CC2D2B: variants seen among roughly 807,000 people sequenced by gnomAD.
CC2D2B encodes the protein coiled-coil and C2 domain containing 2B, also known as protein CC2D2B.
Under a neutral mutation model 161.2 loss-of-function variants are expected in CC2D2B, and 128 were observed. The observed-to-expected ratio is 0.79, with a 90% CI of 0.69 to 0.92. The LOEUF is 0.92. CC2D2B is among the 40% of genes least tolerant of loss of function. The pLI is 0.00. For missense variants in CC2D2B, 1,173 were observed against 1,375.1 expected (o/e 0.85, Z 2.32); for synonymous variants, 391 against 449.8 (o/e 0.87, Z 1.65).
rs568065326 is a variant in CC2D2B, at chr10:96,033,222, C to T, written c.*1214C>T. The stretch of plus-strand genomic sequence containing the variant: ...CCCCAAATGTATCTGCAGGGAATAC[C>T]CAATCTGTATCTGTTTCCTAAATGT... On this transcript the variant is annotated 3_prime_UTR_variant, in exon 35 of 35. Coordinates refer to ENST00000646931, the MANE Select transcript of CC2D2B (RefSeq NM_001349008.3). Among the ~76,000 whole-genome samples the T allele has an allele frequency of 1.3e-5, 2 of 152,196 alleles. No homozygotes were observed. Among genetic ancestry groups the T allele is most frequent in the East Asian group, 1.9e-4 (1 of 5,172 alleles).
intron 19 of CC2D2B, among the ~76,000 whole-genome samples, chr10:95,984,268 T>C (rs537678443): frequency 8.5e-5 from 13 of 152,344 alleles, no homozygotes; most frequent in African/African-American, 3.1e-4. Flanking sequence ...CAGCCAGGTC[T>C]AGCACACTAT....
chr10:95,932,921 T>C (rs1406685246), intron 6 of CC2D2B, among the ~76,000 whole-genome samples: 1 of 152,216 alleles, frequency 6.6e-6, no homozygotes, highest in East Asian at 1.9e-4. Flanking sequence ...ATTTGAATGT[T>C]GACCTGTCTT....
In CC2D2B at chr10:95,963,187, G is replaced by A. The variant is rs531162794; in HGVS notation, c.1250+1218G>A. On this transcript the variant is annotated intron_variant, in intron 12 of 34. Coordinates refer to ENST00000646931, the MANE Select transcript of CC2D2B (RefSeq NM_001349008.3). ...GTAGCCCCAGTGACCCTAAATTGGGGCATTTAGTTTAAGCAGTTAAAAATA... is the reference window on the plus strand; with the variant it reads ...GTAGCCCCAGTGACCCTAAATTGGGACATTTAGTTTAAGCAGTTAAAAATA... Among the ~76,000 whole-genome samples the A allele has an allele frequency of 6.6e-5, 10 of 152,270 alleles. No homozygotes were observed. In the South Asian group the frequency reaches 2.1e-3, roughly 32 times the overall value.
intron 29 of CC2D2B, 113 bp downstream of exon 29, chr10:96,013,990 A>G (rs1162400171): frequency 2.4e-6 from 1 of 414,300 alleles, no homozygotes; most frequent in Non-Finnish European, 4.0e-6. Context: ...ATTTAAAAGT[A>G]TTTGATAATT....
At position 95,974,153 on chromosome 10, in the gene CC2D2B, G is replaced by A. The variant is rs539048537; in HGVS notation, c.1940G>A (p.Cys647Tyr). The change falls in exon 17 of 35, where the codon TGC becomes TAC. Residue 647 changes from cysteine (C) to tyrosine (Y), a missense_variant. Physicochemically the swap from Cys to Tyr is radical, Grantham distance 194. Around this residue, in one of 3 missense-constraint regions of CC2D2B, gnomAD observed 277 missense variants for 420.6 expected, o/e 0.66. Transcript: ENST00000646931. ...CCACAATCATTAAGATCTTCTTACT[G>A]CAGGTAATAAACTTTTATCTTTGAA... ...PMPQSLRSSYCSMLRNVDARS... is the reference protein window; with the variant it reads ...PMPQSLRSSYYSMLRNVDARS... 8.1e-7 allele frequency: 1 copy of A among 1,228,478 alleles called. No homozygotes were observed. Among genetic ancestry groups the A allele is most frequent in the East Asian group, 3.2e-5 (1 of 31,666 alleles). 76.1% of individuals were successfully genotyped at this position (1,228,478 alleles called of 1,614,324 possible). A position where few individuals can be genotyped will look rare whatever the true frequency, so the allele number is the denominator to read the frequency against.
chr10:95,915,579 T>C (rs542874708), intron 2 of CC2D2B, among the ~76,000 whole-genome samples: 2 of 152,328 alleles, frequency 1.3e-5, no homozygotes, highest in South Asian at 4.1e-4. Context: ...GTATGTTTCT[T>C]ATATACCCAG....
At chr10:95,947,113 A>ATATTTTTTTTT (rs1289243570) in intron 9 of CC2D2B, among the ~76,000 whole-genome samples, 1 of 48,376 alleles carries the variant, frequency 2.1e-5, no homozygotes, top group African/African-American at 9.4e-5. Context: ...ATATATATAT[A>ATATTTTTTTTT]TTTTTTTTTT....
intron 34 of CC2D2B, among the ~76,000 whole-genome samples, chr10:96,029,947 GC>G (rs2079996309): frequency 1.3e-5 from 2 of 151,684 alleles, no homozygotes; most frequent in African/African-American, 4.8e-5. Flanking sequence ...AGTAGCTGGG[GC>G]TACAGGTACT....
At position 95,950,124 on chromosome 10, in the gene CC2D2B, ATAAAGCTAAACATT is replaced by A. The variant is rs2076349315; in HGVS notation, c.1011+23_1011+36del. The A allele has an allele frequency of 2.5e-6, 1 of 398,736 alleles. No individual in the cohort carries two copies. Among genetic ancestry groups the A allele is most frequent in the Non-Finnish European group, 4.4e-6 (1 of 225,878 alleles). 24.7% of individuals were successfully genotyped at this position (398,736 alleles called of 1,614,324 possible). On this transcript the variant is annotated intron_variant, in intron 10 of 34. Coordinates refer to ENST00000646931, the MANE Select transcript of CC2D2B (RefSeq NM_001349008.3). ...TGAGAAGGTGAGAATGGCTTTCATT[ATAAAGCTAAACATT>A]TAATATTGAAAAAGAAAAAATTCCT...
At chr10:96,027,102 GA>G in intron 33 of CC2D2B, 109 bp from the exon 34 acceptor site, 1 of 761,506 alleles carries the variant, frequency 1.3e-6, no homozygotes, top group South Asian at 2.4e-5. Flanking sequence ...CAGCCTGGGG[GA>G]CAAGAGCGAG....
At chr10:95,922,126 A>T in intron 3 of CC2D2B, 50 bp downstream of exon 3, 1 of 1,021,316 alleles carries the variant, frequency 9.8e-7, no homozygotes, top group Non-Finnish European at 1.4e-6. Context: ...TTTATTTTTA[A>T]AGATGTAAAT....
In CC2D2B at chr10:95,949,670, T is replaced by TAA. The variant is rs59101408; in HGVS notation, c.802-216_802-215dup. Among the ~76,000 whole-genome samples the TAA allele has an allele frequency of 5.6e-3, 812 of 144,248 alleles. 7 individuals are homozygous for TAA. Among genetic ancestry groups the TAA allele is most frequent in the African/African-American group, 0.02 (770 of 38,940 alleles). 94.6% of individuals were successfully genotyped at this position (144,248 alleles called of 152,430 possible). ...CTTAGAGTATAATAAAAAAAAAAAT[T>TAA]AAAAAAAAAAATAGTAAGATGATTA... On this transcript the variant is annotated intron_variant, in intron 9 of 34. Coordinates refer to ENST00000646931, the MANE Select transcript of CC2D2B (RefSeq NM_001349008.3).
intron 11 of CC2D2B, among the ~76,000 whole-genome samples, chr10:95,961,162 G>A (rs2076746312): frequency 6.6e-6 from 1 of 152,108 alleles, no homozygotes; most frequent in Non-Finnish European, 1.5e-5. Context: ...AAAACGTAGG[G>A]GCTTTCCACT....
chr10:95,997,153 T>G (rs1017824314), intron 24 of CC2D2B, among the ~76,000 whole-genome samples: 2 of 152,248 alleles, frequency 1.3e-5, no homozygotes, highest in Non-Finnish European at 2.9e-5. Context: ...CAGCACAAAA[T>G]GAACTAAGAC....
intron 2 of CC2D2B, among the ~76,000 whole-genome samples, chr10:95,914,722 T>C (rs1035091509): frequency 6.6e-6 from 1 of 152,184 alleles, no homozygotes; most frequent in African/African-American, 2.4e-5. Context: ...TGATTGCAAG[T>C]TTCCTGAGGC....
intron 11 of CC2D2B, among the ~76,000 whole-genome samples, chr10:95,957,356 C>T (rs2076600612): frequency 6.6e-6 from 1 of 152,020 alleles, no homozygotes; most frequent in African/African-American, 2.4e-5. Flanking sequence ...TGCCCCTTCC[C>T]CTCCCCTTCA....
intron 29 of CC2D2B, among the ~76,000 whole-genome samples, chr10:96,015,852 G>C (rs1044705974): frequency 6.6e-6 from 1 of 152,116 alleles, no homozygotes; most frequent in Non-Finnish European, 1.5e-5. Flanking sequence ...ATCAGATAAG[G>C]TTCCTCGAAA....
chr10:95,988,526 T>C (rs1013375333), intron 20 of CC2D2B, among the ~76,000 whole-genome samples, 184 bp downstream of exon 20: 1 of 152,226 alleles, frequency 6.6e-6, no homozygotes, highest in Non-Finnish European at 1.5e-5. Context: ...GGTTACTTCA[T>C]TGACAGTGAA....
chr10:95,926,738 G>A (rs1187832747), intron 5 of CC2D2B, among the ~76,000 whole-genome samples: 1 of 151,550 alleles, frequency 6.6e-6, no homozygotes. Flanking sequence ...TTGTCAGCGG[G>A]TTTACAACCA....
Sources: allele counts gnomAD v4.1 joint callset (sites outside exome capture counted in the v4.1 genomes callset), GRCh38; gene constraint gnomAD v4.1.1; regional missense constraint gnomAD v4.1.1; transcripts MANE v1.5; gene names NCBI Gene and HGNC (gene_info 2026-07-23, HGNC 2026-07-21).